NELL1: variants seen among roughly 807,000 people sequenced by gnomAD.
NELL1 encodes protein kinase C-binding protein NELL1.
Under a neutral mutation model 107.4 loss-of-function variants are expected in NELL1, and 76 were observed. The ratio of observed to expected loss-of-function variants is 0.71; its 90% CI spans 0.59 to 0.86. NELL1 has a LOEUF of 0.86. Among genes scored for constraint, NELL1 ranks in the 40% least tolerant of loss-of-function variants. The pLI is 0.00. For synonymous variants in NELL1, 353 were observed against 341.2 expected (o/e 1.03, Z -0.38); for missense variants, 1,024 against 1,005.5 (o/e 1.02, Z -0.25).
At chr11:20,888,256 G>A (rs536504932) in intron 5 of NELL1, among the ~76,000 whole-genome samples, 2 of 151,970 alleles carry the variant, frequency 1.3e-5, no homozygotes, top group African/African-American at 4.8e-5. Flanking sequence ...GAAGAAAATA[G>A]GAAGGAGGTT....
intron 2 of NELL1, among the ~76,000 whole-genome samples, chr11:20,697,397 T>A (rs1854648914): frequency 8.1e-6 from 1 of 123,186 alleles, no homozygotes; most frequent in Admixed American, 7.7e-5. Flanking sequence ...ATATGTTGCT[T>A]TTTTTTTTTT....
At chr11:20,834,275 G>A (rs1253223452) in intron 3 of NELL1, among the ~76,000 whole-genome samples, 1 of 152,134 alleles carries the variant, frequency 6.6e-6, no homozygotes, top group Non-Finnish European at 1.5e-5. Context: ...GCTGGGGAGA[G>A]AAAGGTGTCA....
At chr11:20,706,524 T>A (rs1205325662) in intron 2 of NELL1, among the ~76,000 whole-genome samples, 1 of 24,612 alleles carries the variant, frequency 4.1e-5, no homozygotes, top group Non-Finnish European at 6.9e-5. Flanking sequence ...GTTGTGGGGT[T>A]GGGGGGGAGG....
intron 14 of NELL1, among the ~76,000 whole-genome samples, chr11:21,240,489 A>T (rs1009113819): frequency 3.3e-5 from 5 of 151,982 alleles, no homozygotes; most frequent in African/African-American, 1.2e-4. Flanking sequence ...TCTTTGAAAA[A>T]TATGTCTCAA....
At chr11:21,055,792 A>G (rs1004833449) in intron 12 of NELL1, among the ~76,000 whole-genome samples, 1 of 152,100 alleles carries the variant, frequency 6.6e-6, no homozygotes, top group Non-Finnish European at 1.5e-5. Flanking sequence ...CTATTCCTAT[A>G]CAGTTAAGGA....
chr11:21,261,652 T>G (rs2133923140), intron 14 of NELL1, among the ~76,000 whole-genome samples: 1 of 151,964 alleles, frequency 6.6e-6, no homozygotes, highest in Middle Eastern at 3.4e-3. Flanking sequence ...AGAGCCAGGA[T>G]TAAACCCAAG....
chr11:20,692,808 A>G (rs1034817760), intron 2 of NELL1, among the ~76,000 whole-genome samples: 17 of 152,216 alleles, frequency 1.1e-4, no homozygotes, highest in Non-Finnish European at 1.5e-4. Flanking sequence ...AGGTCCGCTT[A>G]GTGCAGAGCT....
rs143050787 is a variant in NELL1 at position 20,988,174 on chromosome 11, C to T, written c.1300+27614C>T. ...CTTAATGCAATAAATTCCCCTTTGCCTTTTCTGCTATTTTATCACATAGGG... is the reference window on the plus strand; with the variant it reads ...CTTAATGCAATAAATTCCCCTTTGCTTTTTCTGCTATTTTATCACATAGGG... On this transcript the variant is annotated intron_variant, in intron 12 of 19. Coordinates refer to ENST00000357134, the MANE Select transcript of NELL1 (RefSeq NM_006157.5). Among the ~76,000 whole-genome samples, 19 of 152,132 alleles carry T rather than the reference C, an allele frequency of 1.2e-4. No individual in the cohort carries two copies. In the East Asian group the frequency reaches 3.1e-3, roughly 25 times the overall value.
At chr11:21,382,725 C>T (rs1237708031) in intron 15 of NELL1, among the ~76,000 whole-genome samples, 2 of 151,856 alleles carry the variant, frequency 1.3e-5, no homozygotes, top group Non-Finnish European at 2.9e-5. Flanking sequence ...TTGGCATTCT[C>T]TGTCAAATAA....
At chr11:21,137,004 G>A (rs1855758167) in intron 13 of NELL1, among the ~76,000 whole-genome samples, 1 of 152,204 alleles carries the variant, frequency 6.6e-6, no homozygotes, top group Non-Finnish European at 1.5e-5. Context: ...TACTGTTATG[G>A]AATCTAACTC....
chr11:21,302,064 GT>G (rs1427372282), intron 14 of NELL1, among the ~76,000 whole-genome samples: 1 of 152,010 alleles, frequency 6.6e-6, no homozygotes, highest in Non-Finnish European at 1.5e-5. Flanking sequence ...CTTCTCCTCT[GT>G]TTTAGTTATC....
chr11:20,811,834 T>TG (rs1857507741), intron 3 of NELL1, among the ~76,000 whole-genome samples: 1 of 152,114 alleles, frequency 6.6e-6, no homozygotes, highest in Non-Finnish European at 1.5e-5. Context: ...TTTGTGGTGA[T>TG]GTCTCTGAGG....
chr11:20,718,784 C>A (rs1332639568), intron 2 of NELL1, among the ~76,000 whole-genome samples: 3 of 152,094 alleles, frequency 2.0e-5, no homozygotes, highest in African/African-American at 7.2e-5. Flanking sequence ...GAACGAGGGG[C>A]CAAATGTTGA....
intron 9 of NELL1, among the ~76,000 whole-genome samples, chr11:20,930,491 C>G (rs1329032680): frequency 6.6e-6 from 1 of 152,096 alleles, no homozygotes; most frequent in Non-Finnish European, 1.5e-5. Context: ...TCATTGATAT[C>G]TAGATTGTTT....
At chr11:21,248,781 A>C (rs1858562382) in intron 14 of NELL1, among the ~76,000 whole-genome samples, 2 of 152,174 alleles carry the variant, frequency 1.3e-5, no homozygotes. Context: ...GACCATTATA[A>C]CAGTGCATTT....
chr11:21,166,680 A>G (rs1474141381), intron 13 of NELL1, among the ~76,000 whole-genome samples: 3 of 151,956 alleles, frequency 2.0e-5, no homozygotes, highest in Non-Finnish European at 1.5e-5. Flanking sequence ...TCCTATTTCT[A>G]TAAATAGTAC....
At chr11:21,432,119 C>A (rs879905733) in intron 15 of NELL1, among the ~76,000 whole-genome samples, 3 of 152,018 alleles carry the variant, frequency 2.0e-5, no homozygotes, top group Non-Finnish European at 2.9e-5. Context: ...CTCAAGTGGA[C>A]CATAAATTTC....
intron 14 of NELL1, among the ~76,000 whole-genome samples, chr11:21,334,992 C>T (rs976834453): frequency 1.3e-5 from 2 of 151,844 alleles, no homozygotes; most frequent in African/African-American, 2.4e-5. Flanking sequence ...AATCTCTTTG[C>T]GTCAACAGAA....
intron 4 of NELL1, among the ~76,000 whole-genome samples, chr11:20,867,873 TAGAA>T (rs1394957153): frequency 6.6e-6 from 1 of 152,200 alleles, no homozygotes; most frequent in African/African-American, 2.4e-5. Context: ...GGTTGGATAT[TAGAA>T]AGAGTCTCAA....
Sources: gnomAD v4.1 joint callset for allele counts (sites outside exome capture counted in the v4.1 genomes callset) on GRCh38, gnomAD v4.1.1 for gene constraint, MANE v1.5 for transcripts, NCBI Gene and HGNC (gene_info 2026-07-23, HGNC 2026-07-21) for gene names.